The following ADAMTS17 variants were observed in gnomAD, a reference collection of about 807,000 sequenced individuals.
ADAMTS17 encodes the protein ADAM metallopeptidase with thrombospondin type 1 motif 17.
A neutral mutation model predicts 141.5 loss-of-function variants in ADAMTS17; 113 were observed. That is an observed-to-expected ratio of 0.80 (90% CI 0.69 to 0.93). ADAMTS17 has a LOEUF of 0.93. ADAMTS17 is among the 40% of genes least tolerant of loss of function. The probability of loss-of-function intolerance (pLI) is 0.00; values close to 1 mark genes in which losing one functional copy is unlikely to be tolerated. For missense variants in ADAMTS17, 1,659 were observed against 1,517.9 expected (o/e 1.09, Z -1.54); for synonymous variants, 768 against 630.6 (o/e 1.22, Z -3.27).
chr15:100,209,381 G>C (rs2041713376), intron 7 of ADAMTS17, among the ~76,000 whole-genome samples: 1 of 152,138 alleles, frequency 6.6e-6, no homozygotes, highest in South Asian at 2.1e-4. Context: ...CAGCTCCTGA[G>C]TTCAAGTCCA....
intron 15 of ADAMTS17, among the ~76,000 whole-genome samples, chr15:100,070,936 A>G (rs1389330701): frequency 6.7e-6 from 1 of 150,310 alleles, no homozygotes; most frequent in Non-Finnish European, 1.5e-5. Flanking sequence ...ACCCTTCAAA[A>G]AATCCATGAA....
chr15:100,206,139 G>A (rs558610365), intron 7 of ADAMTS17, among the ~76,000 whole-genome samples: 13 of 152,348 alleles, frequency 8.5e-5, no homozygotes, highest in African/African-American at 3.1e-4. Flanking sequence ...AATGCAGCAG[G>A]TGATGAGTGC....
chr15:100,232,581 T>C lies in ADAMTS17; in HGVS notation c.1075+21555A>G, dbSNP rs148872876. On this transcript the variant is annotated intron_variant, in intron 7 of 21. Coordinates refer to ENST00000268070, the MANE Select transcript of ADAMTS17 (RefSeq NM_139057.4). Reference sequence around the variant, plus strand: ...GGCTATTCCCTTCCCCTCCTTTTGATGGCAACGAAGGTCTCACGCTGGGCA... The same window carrying C: ...GGCTATTCCCTTCCCCTCCTTTTGACGGCAACGAAGGTCTCACGCTGGGCA... Among the ~76,000 whole-genome samples the C allele has an allele frequency of 3.8e-3, 586 of 152,330 alleles. 6 individuals carry two copies. The highest frequency in any genetic ancestry group is 0.014 in the African/African-American group (571 of 41,588).
chr15:100,322,276 G>T (rs544944330), intron 3 of ADAMTS17, among the ~76,000 whole-genome samples: 1 of 152,222 alleles, frequency 6.6e-6, no homozygotes, highest in Admixed American at 6.5e-5. Context: ...TGGAAAGTAT[G>T]GGGGAGGCAT....
At chr15:100,302,713 G>C (rs2045084414) in intron 3 of ADAMTS17, among the ~76,000 whole-genome samples, 1 of 152,188 alleles carries the variant, frequency 6.6e-6, no homozygotes, top group South Asian at 2.1e-4. Context: ...ATCTGCGATG[G>C]TTAATACTGA....
intron 7 of ADAMTS17, among the ~76,000 whole-genome samples, chr15:100,207,405 C>A (rs1321265213): frequency 6.6e-6 from 1 of 152,112 alleles, no homozygotes; most frequent in Non-Finnish European, 1.5e-5. Context: ...ATAAGAGGAG[C>A]TCTAAACAAG....
At chr15:100,160,429 AG>A (rs1275268174) in intron 8 of ADAMTS17, among the ~76,000 whole-genome samples, 2 of 152,218 alleles carry the variant, frequency 1.3e-5, no homozygotes, top group Admixed American at 1.3e-4. Flanking sequence ...AGGAGACTCA[AG>A]CCCTGGGAGG....
chr15:100,089,508 T>G (rs201255760), intron 15 of ADAMTS17, among the ~76,000 whole-genome samples: 1 of 150,420 alleles, frequency 6.6e-6, no homozygotes, highest in Non-Finnish European at 1.5e-5. Context: ...TTATAAATCA[T>G]GCTGCTATAA....
intron 18 of ADAMTS17, among the ~76,000 whole-genome samples, chr15:100,018,360 G>GAT (rs1271587572): frequency 6.6e-6 from 1 of 152,146 alleles, no homozygotes; most frequent in Non-Finnish European, 1.5e-5. Flanking sequence ...AATATCTCCC[G>GAT]ATATGGGTTG....
chr15:100,188,706 C>T (rs934364020), intron 8 of ADAMTS17, among the ~76,000 whole-genome samples: 1 of 152,182 alleles, frequency 6.6e-6, no homozygotes, highest in Non-Finnish European at 1.5e-5. Context: ...CTGTACCAAG[C>T]ACACCTGCTA....
Position 100,277,204 on chromosome 15 carries a change from C to T in ADAMTS17, c.789+4025G>A, listed in dbSNP as rs74039149. Among the ~76,000 whole-genome samples, 216 of 152,218 alleles carry T rather than the reference C, an allele frequency of 1.4e-3. 1 individual carries two copies. The highest frequency in any genetic ancestry group is 5.1e-3 in the African/African-American group (212 of 41,518). On this transcript the variant is annotated intron_variant, in intron 4 of 21. Coordinates refer to ENST00000268070, the MANE Select transcript of ADAMTS17 (RefSeq NM_139057.4). ...AGGAAACATCTCAATCCAAACTTCA[C>T]GTGTTAGCCCCGGGTCTGCCCTCAG...
intron 3 of ADAMTS17, among the ~76,000 whole-genome samples, chr15:100,285,905 G>C (rs963640986): frequency 2.0e-5 from 3 of 152,170 alleles, no homozygotes; most frequent in Admixed American, 1.3e-4. Context: ...GGGTGGTCTT[G>C]CCCATAGGAT....
chr15:100,037,114 T>G (rs1477962811), intron 18 of ADAMTS17, among the ~76,000 whole-genome samples: 2 of 152,180 alleles, frequency 1.3e-5, no homozygotes, highest in Non-Finnish European at 2.9e-5. Context: ...CAAGCAGAAC[T>G]TTTTGAGGAA....
chr15:100,142,228 A>C (rs1286594699), intron 10 of ADAMTS17, among the ~76,000 whole-genome samples: 5 of 152,202 alleles, frequency 3.3e-5, no homozygotes, highest in African/African-American at 1.2e-4. Context: ...CCAAGGTAGA[A>C]TTTTGTCACC....
At chr15:100,231,588 G>A (rs2042482963) in intron 7 of ADAMTS17, among the ~76,000 whole-genome samples, 2 of 152,184 alleles carry the variant, frequency 1.3e-5, no homozygotes, top group Admixed American at 1.3e-4. Context: ...TGTTACAGAA[G>A]CTGATCAGAC....
intron 9 of ADAMTS17, 77 bp from the exon 10 acceptor site, chr15:100,152,839 G>C (rs199948876): frequency 3.1e-6 from 3 of 978,208 alleles, no homozygotes; most frequent in South Asian, 3.0e-5. Flanking sequence ...TTTTTTTTTT[G>C]AGTTTTCAGT....
intron 18 of ADAMTS17, among the ~76,000 whole-genome samples, chr15:100,019,949 A>G (rs1485506873): frequency 6.6e-6 from 1 of 151,884 alleles, no homozygotes; most frequent in East Asian, 1.9e-4. Flanking sequence ...CCTACTACTC[A>G]CACATGCTAA....
chr15:100,205,793 C>T (rs775428973), intron 7 of ADAMTS17, among the ~76,000 whole-genome samples: 1 of 152,208 alleles, frequency 6.6e-6, no homozygotes, highest in Admixed American at 6.5e-5. Flanking sequence ...AGCCTCCAGG[C>T]CATTTCAGCA....
At chr15:100,232,775 G>T (rs1424829283) in intron 7 of ADAMTS17, among the ~76,000 whole-genome samples, 1 of 152,122 alleles carries the variant, frequency 6.6e-6, no homozygotes, top group Admixed American at 6.5e-5. Flanking sequence ...TCCTCTCACT[G>T]CCTCCTCACA....
Sources: gnomAD v4.1 joint callset for allele counts (sites outside exome capture counted in the v4.1 genomes callset) on GRCh38, gnomAD v4.1.1 for gene constraint, MANE v1.5 for transcripts, NCBI Gene and HGNC (gene_info 2026-07-23, HGNC 2026-07-21) for gene names.